The following IQANK1 variants were observed in gnomAD, a reference collection of about 807,000 sequenced individuals.
IQANK1 encodes IQ motif and ankyrin repeat domain-containing protein 1.
IQANK1 carries 30 observed loss-of-function variants against 22.6 expected under a neutral mutation model. The ratio of observed to expected loss-of-function variants is 1.33; its 90% confidence interval spans 0.99 to 1.80. The LOEUF is 1.80. Among genes scored for constraint, IQANK1 ranks in the 40% most tolerant of loss-of-function variants. The pLI, the probability that IQANK1 is intolerant of heterozygous loss-of-function variation, is 0.00. For missense variants in IQANK1, 275 were observed against 235.2 expected (o/e 1.17, Z -1.11); for synonymous variants, 122 against 99.6 (o/e 1.23, Z -1.34).
At chr8:143,783,904 T>C (rs1819840430) in intron 7 of IQANK1, among the ~76,000 whole-genome samples, 1 of 152,232 alleles carries the variant, frequency 6.6e-6, no homozygotes, top group African/African-American at 2.4e-5. Context: ...AGCTCTGTTC[T>C]GGGATCGCTG....
chr8:143,775,805 C>T (rs1392914755), intron 7 of IQANK1, among the ~76,000 whole-genome samples: 5 of 150,166 alleles, frequency 3.3e-5, no homozygotes, highest in Admixed American at 1.3e-4. Context: ...CACACACACA[C>T]ACACACACAC....
At position 143,740,550 on chromosome 8, in the gene IQANK1, C is replaced by T. The variant is rs75400183; in HGVS notation, c.175+602C>T. On this transcript the variant is annotated intron_variant, in intron 3 of 13. Transcript: ENST00000527139. ...CTCGCCGCTGCCTGCCCTCCTGCTT[C>T]TGCGCTGGTGCCGCGGGACTGCCTC... Among the ~76,000 whole-genome samples the T allele has an allele frequency of 6.0e-3, 914 of 152,390 alleles. 13 individuals are homozygous for T. The highest frequency in any genetic ancestry group is 0.02 in the African/African-American group (843 of 41,596).
intron 7 of IQANK1, among the ~76,000 whole-genome samples, chr8:143,775,094 G>A (rs1274359281): frequency 6.6e-6 from 1 of 152,062 alleles, no homozygotes; most frequent in Non-Finnish European, 1.5e-5. Flanking sequence ...AACTGCACAT[G>A]TGAGAAAATT....
At chr8:143,743,152 C>T in intron 3 of IQANK1, 1 of 413,486 alleles carries the variant, frequency 2.4e-6, no homozygotes, top group South Asian at 1.7e-5. Context: ...GCCAGCCGTG[C>T]TGTGGGTTTC....
intron 3 of IQANK1, among the ~76,000 whole-genome samples, chr8:143,761,143 G>A (rs1554628856): frequency 6.6e-6 from 1 of 152,214 alleles, no homozygotes; most frequent in African/African-American, 2.4e-5. Flanking sequence ...AGGGCTGGAG[G>A]TGGAGCCGTC....
chr8:143,749,234 C>T lies in IQANK1; in HGVS notation c.175+9286C>T, dbSNP rs1461354691. Among the ~76,000 whole-genome samples, 3 of 111,368 alleles carry T rather than the reference C, an allele frequency of 2.7e-5. No homozygotes were observed. The South Asian group carries it at 8.0e-4, about 30-fold the overall frequency. The allele number at this position is 111,368 out of a possible 152,430, so 73.1% of individuals were successfully genotyped here. ...ATATATATCATATATAAATATATAC[C>T]TATATATCATATATGTTATATATGA... On this transcript the variant is annotated intron_variant, in intron 3 of 13. Transcript: ENST00000527139.
chr8:143,752,106 T>G (rs551230093), intron 3 of IQANK1, among the ~76,000 whole-genome samples: 5 of 152,012 alleles, frequency 3.3e-5, no homozygotes, highest in African/African-American at 1.2e-4. Context: ...GCTGGGATTA[T>G]AGGCGCCTGC....
rs149608943 is a variant in IQANK1 at position 143,739,922 on chromosome 8, C to G, written c.149C>G (p.Ser50Trp). Reference protein sequence around the residue: ...KAGWQAREPASAESPQAPTGP... With the variant: ...KAGWQAREPAWAESPQAPTGP... ...GGCTGGCAGGCGAGGGAGCCCGCGT[C>G]GGCTGAGAGCCCACAGGCCCCCACA... is the stretch of plus-strand genomic sequence containing the variant. The change falls in exon 3 of 14, where the codon TCG (serine) becomes TGG (tryptophan). Residue 50 changes from serine to tryptophan, a missense_variant. Coordinates refer to ENST00000527139, the MANE Select transcript of IQANK1 (RefSeq NM_001381874.1). 2.9e-6 allele frequency: 2 copies of G among 699,374 alleles called. No individual in the cohort carries two copies. Among genetic ancestry groups the G allele is most frequent in the South Asian group, 1.5e-5 (1 of 67,084 alleles). The allele number at this position is 699,374 out of a possible 1,614,324, so 43.3% of individuals were successfully genotyped here. A position where few individuals can be genotyped will look rare whatever the true frequency, so the allele number is the denominator to read the frequency against.
Position 143,758,212 on chromosome 8 carries a change from C to T in IQANK1, c.176-13276C>T, listed in dbSNP as rs1819327972. ...CAGCGCAGTGGCTCACGCCTAAAAT[C>T]CCAGCACTTTGGGAGGCCAAGGCAG... is the stretch of plus-strand genomic sequence containing the variant. On this transcript the variant is annotated intron_variant, in intron 3 of 13. Transcript: ENST00000527139. The surrounding 1 kb of genome is among the most constrained non-coding windows in gnomAD (Gnocchi z 4.2). 1.3e-5 allele frequency: 2 copies of T among 152,220 alleles called. No homozygotes were observed. The highest frequency in any genetic ancestry group is 4.8e-5 in the African/African-American group (2 of 41,450). 9.4% of individuals were successfully genotyped at this position (152,220 alleles called of 1,614,324 possible). A position where few individuals can be genotyped will look rare whatever the true frequency, so the allele number is the denominator to read the frequency against.
At chr8:143,767,809 C>T (rs924907432) in intron 3 of IQANK1, among the ~76,000 whole-genome samples, 4 of 149,690 alleles carry the variant, frequency 2.7e-5, no homozygotes, top group Admixed American at 2.0e-4. Context: ...GGCGTGAACC[C>T]GGGAGGCGGA....
At chr8:143,749,321 T>G (rs1488756128) in intron 3 of IQANK1, among the ~76,000 whole-genome samples, 1 of 88,924 alleles carries the variant, frequency 1.1e-5, no homozygotes, top group Non-Finnish European at 1.9e-5. Context: ...AAAATATATA[T>G]AAAAATATAT....
intron 7 of IQANK1, among the ~76,000 whole-genome samples, chr8:143,783,154 G>A (rs1819827109): frequency 6.6e-6 from 1 of 152,098 alleles, no homozygotes; most frequent in Non-Finnish European, 1.5e-5. Flanking sequence ...GTGTCTCTTG[G>A]TACATATGTG....
chr8:143,747,717 A>G (rs1418939376), intron 3 of IQANK1, among the ~76,000 whole-genome samples: 2 of 152,052 alleles, frequency 1.3e-5, no homozygotes, highest in East Asian at 3.9e-4. Context: ...ATTGATTTCT[A>G]ACCTCATCCC....
chr8:143,761,501 A>G (rs1819397257), intron 3 of IQANK1, among the ~76,000 whole-genome samples: 1 of 152,206 alleles, frequency 6.6e-6, no homozygotes, highest in Non-Finnish European at 1.5e-5. Context: ...CTGGCGGGGT[A>G]ACTCACACCT....
chr8:143,773,425 T>C (rs1244428261), intron 7 of IQANK1, among the ~76,000 whole-genome samples: 1 of 152,040 alleles, frequency 6.6e-6, no homozygotes, highest in East Asian at 1.9e-4. Flanking sequence ...ACTCCGCCTG[T>C]TGGAGCAGTG....
At chr8:143,778,809 C>G (rs1819739055) in intron 7 of IQANK1, among the ~76,000 whole-genome samples, 1 of 152,234 alleles carries the variant, frequency 6.6e-6, no homozygotes, top group Non-Finnish European at 1.5e-5. Flanking sequence ...CTCTGTCACC[C>G]AGGCTGGAGG....
At chr8:143,744,985 C>T in intron 3 of IQANK1, 1 of 152,332 alleles carries the variant, frequency 6.6e-6, no homozygotes, top group Non-Finnish European at 1.5e-5. Flanking sequence ...GGCTACACAC[C>T]ATGTTCCCGT....
At chr8:143,760,131 C>T (rs1819368033) in intron 3 of IQANK1, among the ~76,000 whole-genome samples, 1 of 152,186 alleles carries the variant, frequency 6.6e-6, no homozygotes, top group African/African-American at 2.4e-5. Flanking sequence ...CAGGATGTCG[C>T]CCTTGTCTGG....
At chr8:143,740,929 C>G (rs1356957443) in intron 3 of IQANK1, among the ~76,000 whole-genome samples, 1 of 152,210 alleles carries the variant, frequency 6.6e-6, no homozygotes, top group Non-Finnish European at 1.5e-5. Flanking sequence ...TGTCCAGTAG[C>G]TGGGGATTTG....
Sources: allele counts gnomAD v4.1 joint callset (sites outside exome capture counted in the v4.1 genomes callset), GRCh38; gene constraint gnomAD v4.1.1; non-coding constraint Gnocchi (gnomAD v3.1); transcripts MANE v1.5; gene names NCBI Gene and HGNC (gene_info 2026-07-23, HGNC 2026-07-21).